MCTP2: variants seen among roughly 807,000 people sequenced by gnomAD.
MCTP2 encodes the protein multiple C2 and transmembrane domain containing 2.
MCTP2 carries 132 observed loss-of-function variants against 111.6 expected under a neutral mutation model. The ratio of observed to expected loss-of-function variants is 1.18; its 90% CI spans 1.03 to 1.37. MCTP2 has a LOEUF of 1.37. Among genes scored for constraint, MCTP2 ranks in the 40% most tolerant of loss-of-function variants. The probability of loss-of-function intolerance (pLI) is 0.00; values close to 1 mark genes in which losing one functional copy is unlikely to be tolerated. For synonymous variants in MCTP2, 395 were observed against 387.7 expected, an observed-to-expected ratio of 1.02 and a Z score of -0.22; for missense variants, 1,183 against 1,067.9, an observed-to-expected ratio of 1.11 and a Z score of -1.50.
At chr15:94,340,983 T>C (rs1435111733) in intron 7 of MCTP2, 59 bp downstream of exon 7, 1 of 1,066,218 alleles carries the variant, frequency 9.4e-7, no homozygotes. Flanking sequence ...AAATGGCTCA[T>C]TGCAATTGTC....
intron 1 of MCTP2, among the ~76,000 whole-genome samples, chr15:94,276,838 T>G (rs1334229166): frequency 1.8e-5 from 1 of 54,338 alleles, no homozygotes; most frequent in Non-Finnish European, 3.4e-5. Context: ...GTTAGTAAAC[T>G]AACCCAAAAA....
At chr15:94,449,358 T>C (rs1459891503) in intron 19 of MCTP2, among the ~76,000 whole-genome samples, 1 of 152,210 alleles carries the variant, frequency 6.6e-6, no homozygotes, top group Non-Finnish European at 1.5e-5. Context: ...AAACCAAGGC[T>C]AAGAGAACTT....
intron 1 of MCTP2, among the ~76,000 whole-genome samples, chr15:94,276,065 T>C (rs113237960): frequency 0.044 from 6,684 of 152,030 alleles, 444 homozygotes; most frequent in African/African-American, 0.14. Context: ...AGGATGGTCT[T>C]GATCTCCTGA....
At position 94,298,486 on chromosome 15, in the gene MCTP2, C is replaced by A. The variant is rs368477097; in HGVS notation, c.221C>A (p.Ser74Tyr). 95 of 1,613,980 alleles carry A rather than the reference C, an allele frequency of 5.9e-5. No homozygotes were observed. Among genetic ancestry groups the A allele is most frequent in the Non-Finnish European group, 7.9e-5 (93 of 1,180,002 alleles). ...EGRPYSGPQS[S>Y]YTSVPSSLST... is the part of the protein sequence containing the mutation. ...CGGCCTTACTCCGGGCCACAGTCTT[C>A]CTACACCTCGGTGCCCAGCAGTCTG... Residue 74 changes from serine to tyrosine, a missense_variant, in exon 2 of 23, where the codon TCC (serine) becomes TAC (tyrosine). Physicochemically the swap from Ser to Tyr is moderately radical, Grantham distance 144. Coordinates refer to ENST00000357742, the MANE Select transcript of MCTP2 (RefSeq NM_001385001.1).
chr15:94,382,882 C>A (rs539192418), intron 12 of MCTP2, among the ~76,000 whole-genome samples: 52 of 152,374 alleles, frequency 3.4e-4, no homozygotes, highest in African/African-American at 1.1e-3. Flanking sequence ...CTTTCCCTGA[C>A]AGTTCCAAAT....
chr15:94,313,961 G>A (rs1270072386), intron 2 of MCTP2, among the ~76,000 whole-genome samples: 1 of 152,256 alleles, frequency 6.6e-6, no homozygotes, highest in Non-Finnish European at 1.5e-5. Flanking sequence ...GAGGGATCTG[G>A]CACAGTGGCT....
At position 94,412,554 on chromosome 15, in the gene MCTP2, T is replaced by G. The variant is rs370517036; in HGVS notation, c.2085+10535T>G. On this transcript the variant is annotated intron_variant, in intron 17 of 22. Transcript: ENST00000357742. ...AGGATGATGATGATGATGAACGGTG[T>G]TTTTGTGTTTGGGAGGTGTTTAAGT... is the stretch of plus-strand genomic sequence containing the variant. 2.0e-5 allele frequency among the ~76,000 whole-genome samples: 3 copies of G among 152,198 alleles called. No homozygotes were observed. In the East Asian group the frequency reaches 5.8e-4, roughly 29 times the overall value.
At chr15:94,327,930 C>G (rs2152385710) in intron 4 of MCTP2, among the ~76,000 whole-genome samples, 1 of 152,198 alleles carries the variant, frequency 6.6e-6, no homozygotes, top group East Asian at 1.9e-4. Context: ...GTCAGTTTAT[C>G]TGTTTCTGTG....
chr15:94,242,435 G>C (rs1222682802), intron 1 of MCTP2, among the ~76,000 whole-genome samples: 1 of 152,128 alleles, frequency 6.6e-6, no homozygotes, highest in Non-Finnish European at 1.5e-5. Context: ...ACAGAGGTTT[G>C]GGTAAGTGCC....
chr15:94,250,287 C>A (rs1567275006), intron 1 of MCTP2, among the ~76,000 whole-genome samples: 1 of 152,134 alleles, frequency 6.6e-6, no homozygotes, highest in Admixed American at 6.5e-5. Flanking sequence ...AATATGCATT[C>A]TGTGCTACAT....
At chr15:94,376,179 T>C (rs1415797787) in intron 12 of MCTP2, among the ~76,000 whole-genome samples, 4 of 152,196 alleles carry the variant, frequency 2.6e-5, no homozygotes, top group Non-Finnish European at 5.9e-5. Flanking sequence ...TCCTTGGCTA[T>C]GCCATTAGGA....
chr15:94,432,716 A>C (rs1596689579), intron 17 of MCTP2, among the ~76,000 whole-genome samples: 1 of 152,172 alleles, frequency 6.6e-6, no homozygotes, highest in East Asian at 1.9e-4. Flanking sequence ...GCTTTGTTTC[A>C]ACAAAAGCAA....
intron 1 of MCTP2, among the ~76,000 whole-genome samples, chr15:94,250,773 G>T (rs1376880172): frequency 1.3e-5 from 2 of 152,186 alleles, no homozygotes; most frequent in African/African-American, 4.8e-5. Context: ...TCAGTGTGAT[G>T]GAGCTAGGAA....
chr15:94,319,782 G>A (rs780389564), intron 4 of MCTP2, among the ~76,000 whole-genome samples: 1 of 152,106 alleles, frequency 6.6e-6, no homozygotes, highest in Non-Finnish European at 1.5e-5. Context: ...ATTTAATTTA[G>A]TATTAACCCA....
intron 19 of MCTP2, among the ~76,000 whole-genome samples, chr15:94,454,282 T>C (rs2084659059): frequency 6.6e-6 from 1 of 152,216 alleles, no homozygotes; most frequent in African/African-American, 2.4e-5. Context: ...ACTAATAAGA[T>C]ATTCCTCCAA....
chr15:94,366,978 G>T (rs989684896), intron 10 of MCTP2, among the ~76,000 whole-genome samples: 5 of 152,328 alleles, frequency 3.3e-5, no homozygotes, highest in African/African-American at 9.6e-5. Context: ...GCCTTTCCTG[G>T]CAGAGCTGCT....
chr15:94,475,909 T>G (rs2074310532), intron 21 of MCTP2, among the ~76,000 whole-genome samples: 1 of 112,810 alleles, frequency 8.9e-6, no homozygotes. Flanking sequence ...ATCTTAAACG[T>G]TCAACCCGTT....
intron 19 of MCTP2, among the ~76,000 whole-genome samples, chr15:94,449,046 A>G (rs1255551925): frequency 6.6e-6 from 1 of 152,198 alleles, no homozygotes; most frequent in Non-Finnish European, 1.5e-5. Context: ...CTCAAAATAA[A>G]TAAATAAATC....
chr15:94,242,963 G>GTATATGTGTATCTACACATACACGTA (rs2071110314), intron 1 of MCTP2, among the ~76,000 whole-genome samples: 1 of 102,016 alleles, frequency 9.8e-6, no homozygotes, highest in African/African-American at 3.9e-5. Context: ...ATATACACGT[G>GTATATGTGTATCTACACATACACGTA]TATATGTGTA....
Sources: gnomAD v4.1 joint callset for allele counts (sites outside exome capture counted in the v4.1 genomes callset) on GRCh38, gnomAD v4.1.1 for gene constraint, MANE v1.5 for transcripts, NCBI Gene and HGNC (gene_info 2026-07-23, HGNC 2026-07-21) for gene names.